The following RGS6 variants were observed in gnomAD, a reference collection of about 807,000 sequenced individuals.
The protein encoded by RGS6 is regulator of G protein signaling 6.
In RGS6, 30 loss-of-function variants were observed where a neutral mutation model predicts 78.5. The observed-to-expected ratio is 0.38, with a 90% CI of 0.29 to 0.52. The LOEUF is 0.52. Ranked by LOEUF, RGS6 falls within the 20% of genes least tolerant of loss-of-function variation. RGS6 has a pLI of 0.85. For missense variants in RGS6, 495 were observed against 609.7 expected, an observed-to-expected ratio of 0.81 and a Z score of 1.98; for synonymous variants, 206 against 206.0, an observed-to-expected ratio of 1.00 and a Z score of 0.00.
chr14:72,298,456 C>T (rs2529452), intron 2 of RGS6, among the ~76,000 whole-genome samples: 483 of 29,402 alleles, frequency 0.016, 4 homozygotes, highest in African/African-American at 0.082. Context: ...TTTTTTTTTT[C>T]CCCCCCTCTG....
rs191100504 is a variant in RGS6 at position 72,162,161 on chromosome 14, G to A, written c.85-189934G>A. On this transcript the variant is annotated intron_variant, in intron 2 of 17. Coordinates refer to ENST00000553525, the MANE Select transcript of RGS6 (RefSeq NM_001204424.2). ...ACATTGCTCATTTACATTAACTAGC[G>A]TAAAATACCTAATTAGTACAGCAGA... Among the ~76,000 whole-genome samples, 1,250 of 146,970 alleles carry A rather than the reference G, an allele frequency of 8.5e-3. 17 individuals are homozygous for A. The highest frequency in any genetic ancestry group is 0.028 in the African/African-American group (1,122 of 39,392).
rs1358044641 is a variant in RGS6, at chr14:72,053,085, C to CTTCCTTCT, written c.84+88217_84+88218insTTTCCTTC. 3.1e-3 allele frequency among the ~76,000 whole-genome samples: 90 copies of CTTCCTTCT among 29,106 alleles called. 4 individuals carry two copies. Among genetic ancestry groups the CTTCCTTCT allele is most frequent in the African/African-American group, 0.01 (87 of 8,402 alleles). The allele number at this position is 29,106 out of a possible 152,430, so 19.1% of individuals were successfully genotyped here. ...CCTCCCTCCCTCCCTCCCTCCCTTCCTTCCTTCCTTCCTTCCTTCCTTCCT... is the reference window on the plus strand; with the variant it reads ...CCTCCCTCCCTCCCTCCCTCCCTTCCTTCCTTCTTTCCTTCCTTCCTTCCTTCCTTCCT... On this transcript the variant is annotated intron_variant, in intron 2 of 17. Transcript: ENST00000553525.
the RGS6 span, among the ~76,000 whole-genome samples, chr14:71,920,215 G>T: frequency 2.0e-5 from 3 of 152,110 alleles, no homozygotes; most frequent in Non-Finnish European, 4.4e-5. Context: ...GGTGAGCCTG[G>T]GGTACTGATT....
chr14:72,464,112 G>A (rs1184387631), intron 6 of RGS6, among the ~76,000 whole-genome samples: 3 of 152,160 alleles, frequency 2.0e-5, no homozygotes, highest in East Asian at 3.8e-4. Flanking sequence ...CATCAAGAAT[G>A]TAAAGACATT....
At chr14:71,875,760 C>G in the RGS6 span, among the ~76,000 whole-genome samples, 1 of 152,082 alleles carries the variant, frequency 6.6e-6, no homozygotes, top group Non-Finnish European at 1.5e-5. Flanking sequence ...TAGATCTTTC[C>G]TGCTTTCTCT....
chr14:72,401,752 C>G (rs1200353775), intron 3 of RGS6, among the ~76,000 whole-genome samples: 4 of 151,984 alleles, frequency 2.6e-5, no homozygotes, highest in Non-Finnish European at 5.9e-5. Context: ...CATAAAGCAT[C>G]CAAACCTGAA....
chr14:72,382,506 T>C (rs1485116322), intron 3 of RGS6, among the ~76,000 whole-genome samples: 1 of 152,202 alleles, frequency 6.6e-6, no homozygotes, highest in Non-Finnish European at 1.5e-5. Context: ...AAGTGTGCAT[T>C]CGCAAACCAC....
At chr14:72,539,807 T>A (rs976410729) in intron 16 of RGS6, among the ~76,000 whole-genome samples, 2 of 152,162 alleles carry the variant, frequency 1.3e-5, no homozygotes, top group Non-Finnish European at 2.9e-5. Flanking sequence ...AAAGCCCCCC[T>A]CTCTGCTCCC....
chr14:71,963,680 AGT>A (rs1468038747), intron 1 of RGS6, among the ~76,000 whole-genome samples: 1 of 152,232 alleles, frequency 6.6e-6, no homozygotes, highest in African/African-American at 2.4e-5. Context: ...TCCACGTTGT[AGT>A]GTGTGTCAGT....
At chr14:72,009,894 T>C (rs2085326471) in intron 2 of RGS6, among the ~76,000 whole-genome samples, 2 of 152,234 alleles carry the variant, frequency 1.3e-5, no homozygotes, top group South Asian at 4.1e-4. Context: ...AAGAAGTTCA[T>C]AGTCCATTTG....
chr14:72,600,017 G>C, the RGS6 span, among the ~76,000 whole-genome samples: 1 of 152,084 alleles, frequency 6.6e-6, no homozygotes, highest in African/African-American at 2.4e-5. Context: ...CCCTCCGGTG[G>C]GCCCTGGGCC....
chr14:72,204,525 G>A (rs1438159088), intron 2 of RGS6, among the ~76,000 whole-genome samples: 1 of 152,156 alleles, frequency 6.6e-6, no homozygotes, highest in African/African-American at 2.4e-5. Flanking sequence ...ACCATAAACT[G>A]GGTGGCTTAT....
intron 2 of RGS6, among the ~76,000 whole-genome samples, chr14:72,188,245 A>G (rs902078361): frequency 3.9e-5 from 6 of 152,212 alleles, no homozygotes; most frequent in African/African-American, 1.4e-4. Context: ...AAGTAGAAAC[A>G]CATGTTAAAC....
intron 2 of RGS6, among the ~76,000 whole-genome samples, chr14:72,132,862 A>C (rs1035748756): frequency 1.3e-5 from 2 of 150,960 alleles, no homozygotes; most frequent in African/African-American, 4.9e-5. Context: ...ACTTGGCTTC[A>C]TTGATCTTAG....
At chr14:72,123,941 C>A (rs1330769682) in intron 2 of RGS6, among the ~76,000 whole-genome samples, 1 of 152,172 alleles carries the variant, frequency 6.6e-6, no homozygotes, top group Non-Finnish European at 1.5e-5. Context: ...CTGGTCAGAG[C>A]ATGATGACTT....
intron 2 of RGS6, among the ~76,000 whole-genome samples, chr14:72,215,559 G>T (rs1374634483): frequency 6.6e-6 from 1 of 152,136 alleles, no homozygotes; most frequent in Non-Finnish European, 1.5e-5. Context: ...CCACCCTACT[G>T]CTGTGTCCCG....
intron 2 of RGS6, among the ~76,000 whole-genome samples, chr14:72,052,730 T>G (rs1248853744): frequency 6.6e-6 from 1 of 152,166 alleles, no homozygotes; most frequent in Non-Finnish European, 1.5e-5. Flanking sequence ...TCTATACTTT[T>G]CCTTTACAAT....
chr14:72,205,035 G>A lies in RGS6; in HGVS notation c.85-147060G>A, dbSNP rs573206860. Among the ~76,000 whole-genome samples, 3 of 152,296 alleles carry A rather than the reference G, an allele frequency of 2.0e-5. No homozygotes were observed. The South Asian group carries it at 6.2e-4, about 32-fold the overall frequency. The stretch of plus-strand genomic sequence containing the variant: ...CACATCTTTAGATCTCTGACAGCAT[G>A]AGCAGATAGAGGGCAGAGCAGAGGC... On this transcript the variant is annotated intron_variant, in intron 2 of 17. Transcript: ENST00000553525.
chr14:71,960,875 CTG>C (rs139823596), intron 1 of RGS6, among the ~76,000 whole-genome samples: 3,008 of 152,336 alleles, frequency 0.02, 33 homozygotes, highest in Middle Eastern at 0.027. Flanking sequence ...TCCTCCTACT[CTG>C]TGCCATCATA....
Sources: gnomAD v4.1 joint callset for allele counts (sites outside exome capture counted in the v4.1 genomes callset) on GRCh38, gnomAD v4.1.1 for gene constraint, MANE v1.5 for transcripts, NCBI Gene and HGNC (gene_info 2026-07-23, HGNC 2026-07-21) for gene names.